AGO3: variants seen among roughly 807,000 people sequenced by gnomAD.
AGO3 encodes protein argonaute-3.
Under a neutral mutation model 105.5 loss-of-function variants are expected in AGO3, and 16 were observed. That is an observed-to-expected ratio of 0.15 (90% CI 0.10 to 0.23). The LOEUF (loss-of-function observed/expected upper bound fraction) is 0.23, where lower values mean the gene tolerates loss of function less well. AGO3 is among the 10% of genes least tolerant of loss of function. AGO3 has a pLI of 1.00. For missense variants in AGO3, 534 were observed against 1,088.0 expected, an observed-to-expected ratio of 0.49 and a Z score of 7.16; for synonymous variants, 340 against 367.3, an observed-to-expected ratio of 0.93 and a Z score of 0.85.
intron 5 of AGO3, among the ~76,000 whole-genome samples, chr1:35,989,542 G>A (rs1647418324): frequency 6.6e-6 from 1 of 152,116 alleles, no homozygotes; most frequent in African/African-American, 2.4e-5. Context: ...CAGCCCATTT[G>A]CAACTTGCAT....
intron 2 of AGO3, among the ~76,000 whole-genome samples, chr1:35,948,045 C>A (rs1309376234): frequency 1.3e-5 from 2 of 151,694 alleles, no homozygotes; most frequent in African/African-American, 2.4e-5. Flanking sequence ...CCAGCCGGGG[C>A]AACATAGTGA....
At chr1:36,038,449 G>A (rs1642109920) in intron 14 of AGO3, among the ~76,000 whole-genome samples, 1 of 151,970 alleles carries the variant, frequency 6.6e-6, no homozygotes, top group Non-Finnish European at 1.5e-5. Flanking sequence ...TAGAGACGGG[G>A]TTTCACTGTG....
At chr1:35,991,186 C>T (rs954107391) in intron 5 of AGO3, among the ~76,000 whole-genome samples, 1 of 152,124 alleles carries the variant, frequency 6.6e-6, no homozygotes, top group African/African-American at 2.4e-5. Context: ...CATCTGTAGT[C>T]CCAGCTACTC....
At chr1:35,945,954 T>C (rs899039691) in intron 2 of AGO3, 91 bp downstream of exon 2, 7 of 1,320,522 alleles carry the variant, frequency 5.3e-6, no homozygotes, top group Non-Finnish European at 7.2e-6. Context: ...ACAATTACAA[T>C]GTGTAACAGT....
chr1:35,950,786 A>G (rs183688043), intron 2 of AGO3, among the ~76,000 whole-genome samples: 28 of 152,282 alleles, frequency 1.8e-4, no homozygotes, highest in Admixed American at 2.6e-4. Flanking sequence ...CAACCTCTAA[A>G]TACACCTTGA....
chr1:36,043,162 A>T, intron 16 of AGO3: 1 of 285,970 alleles, frequency 3.5e-6, no homozygotes. Flanking sequence ...TTAATTTAAA[A>T]AAAATTTTTT....
rs370260527 is a variant in AGO3 at position 36,070,826 on chromosome 1, CTA to C, written c.*15083_*15084del. Reference sequence around the variant, plus strand: ...CTGATATATCAGGAATAATTTTAAACTATTTTTGCTGTAATGTGTAGCTTTAA... The same window carrying C: ...CTGATATATCAGGAATAATTTTAAACTTTTTGCTGTAATGTGTAGCTTTAA... On this transcript the variant is annotated 3_prime_UTR_variant, in exon 19 of 19. Coordinates refer to ENST00000373191, the MANE Select transcript of AGO3 (RefSeq NM_024852.4). 2 of 152,294 alleles carry C rather than the reference CTA, an allele frequency of 1.3e-5. No homozygotes were observed. The highest frequency in any genetic ancestry group is 2.4e-5 in the African/African-American group (1 of 41,572). The allele number at this position is 152,294 out of a possible 1,614,324, so 9.4% of individuals were successfully genotyped here.
At chr1:36,028,694 C>T (rs1569860138) in intron 12 of AGO3, among the ~76,000 whole-genome samples, 2 of 150,992 alleles carry the variant, frequency 1.3e-5, no homozygotes, top group Admixed American at 1.3e-4. Flanking sequence ...TGAATAATGC[C>T]GCAATAAACA....
At position 36,068,099 on chromosome 1, in the gene AGO3, T is replaced by G. The variant is rs1365338092; in HGVS notation, c.*12354T>G. ...TGTGAATCACACAATTGTTCTTTTT[T>G]CCCCATCACACACACTCACACACAA... On this transcript the variant is annotated 3_prime_UTR_variant, in exon 19 of 19. Transcript: ENST00000373191. The G allele has an allele frequency of 6.6e-6, 1 of 151,968 alleles. No homozygotes were observed. The highest frequency in any genetic ancestry group is 6.6e-5 in the Admixed American group (1 of 15,232). The allele number at this position is 151,968 out of a possible 1,614,324, so 9.4% of individuals were successfully genotyped here.
At chr1:36,022,950 A>T (rs1022742801) in intron 11 of AGO3, among the ~76,000 whole-genome samples, 1 of 120,270 alleles carries the variant, frequency 8.3e-6, no homozygotes, top group Non-Finnish European at 1.9e-5. Flanking sequence ...AAAAACAAAA[A>T]AAAAAGAGAA....
chr1:35,953,412 T>C (rs920469346), intron 2 of AGO3, among the ~76,000 whole-genome samples: 2 of 152,260 alleles, frequency 1.3e-5, no homozygotes, highest in Admixed American at 1.3e-4. Context: ...TGAAGTTGTA[T>C]CTCATTGTCG....
chr1:36,002,256 GA>G (rs889124600), intron 5 of AGO3, among the ~76,000 whole-genome samples: 50 of 151,182 alleles, frequency 3.3e-4, no homozygotes, highest in African/African-American at 1.2e-3. Context: ...AATTTCAAGT[GA>G]TCAATGCACC....
At chr1:35,959,565 G>T (rs182663649) in intron 2 of AGO3, among the ~76,000 whole-genome samples, 194 of 152,198 alleles carry the variant, frequency 1.3e-3, no homozygotes, top group African/African-American at 4.2e-3. Flanking sequence ...AATATTTTAT[G>T]TATTTTTATT....
Position 36,066,884 on chromosome 1 carries a change from G to T in AGO3, c.*11139G>T, listed in dbSNP as rs959393925. ...GAAACCTTACAATTGTTTAATATTT[G>T]CAGAGTAAAAGAGCAGCTATTGCTA... On this transcript the variant is annotated 3_prime_UTR_variant, in exon 19 of 19. Transcript: ENST00000373191. 6.6e-6 allele frequency: 1 copy of T among 152,170 alleles called. No individual in the cohort carries two copies. The highest frequency in any genetic ancestry group is 2.4e-5 in the African/African-American group (1 of 41,428). 9.4% of individuals were successfully genotyped at this position (152,170 alleles called of 1,614,324 possible).
At chr1:35,936,077 T>C (rs1367345595) in intron 1 of AGO3, among the ~76,000 whole-genome samples, 1 of 152,232 alleles carries the variant, frequency 6.6e-6, no homozygotes, top group East Asian at 1.9e-4. Flanking sequence ...GGATACTGAA[T>C]AGACCCTCAT....
At chr1:35,965,549 G>A (rs1051427052) in intron 2 of AGO3, among the ~76,000 whole-genome samples, 2 of 149,814 alleles carry the variant, frequency 1.3e-5, no homozygotes, top group Non-Finnish European at 3.0e-5. Flanking sequence ...TGGCCACAAA[G>A]GAAAACTTAA....
At chr1:36,041,373 C>G (rs936689408) in intron 16 of AGO3, among the ~76,000 whole-genome samples, 1 of 151,034 alleles carries the variant, frequency 6.6e-6, no homozygotes, top group African/African-American at 2.4e-5. Flanking sequence ...TCCTGAGTAG[C>G]TGGGACTACA....
chr1:35,970,496 A>G (rs1646845785), intron 3 of AGO3, among the ~76,000 whole-genome samples: 1 of 152,170 alleles, frequency 6.6e-6, no homozygotes, highest in South Asian at 2.1e-4. Context: ...TGAGAAAACA[A>G]ACCTACTAAT....
In AGO3 at chr1:35,972,193, A is replaced by T; in HGVS notation, c.482A>T (p.His161Leu). The change falls in exon 4 of 19, where the codon CAT becomes CTT. Residue 161 changes from histidine to leucine, a missense_variant. By Grantham distance (99) the His-to-Leu change is moderately conservative (BLOSUM62 -3). Around this residue, in one of 2 missense-constraint regions of AGO3, gnomAD observed 161 missense variants for 234.0 expected, o/e 0.69. Coordinates refer to ENST00000373191, the MANE Select transcript of AGO3 (RefSeq NM_024852.4). ...AAGCCAATCAGCACTAACCCTGTCC[A>T]TGCCGTTGATGTGGTGCTACGACAT... ...LDKPISTNPV[H>L]AVDVVLRHLP... The T allele has an allele frequency of 6.2e-7, 1 of 1,614,090 alleles. No homozygotes were observed. Among genetic ancestry groups the T allele is most frequent in the Non-Finnish European group, 8.5e-7 (1 of 1,180,030 alleles).
Sources: allele counts gnomAD v4.1 joint callset (sites outside exome capture counted in the v4.1 genomes callset), GRCh38; gene constraint gnomAD v4.1.1; regional missense constraint gnomAD v4.1.1; transcripts MANE v1.5; gene names NCBI Gene and HGNC (gene_info 2026-07-23, HGNC 2026-07-21).